The following ZFAT variants were observed in gnomAD, a reference collection of about 807,000 sequenced individuals.
The protein encoded by ZFAT is zinc finger protein ZFAT.
Under a neutral mutation model 117.7 loss-of-function variants are expected in ZFAT, and 64 were observed. The observed-to-expected ratio is 0.54, with a 90% confidence interval of 0.44 to 0.67. The LOEUF is 0.67. ZFAT is among the 30% of genes least tolerant of loss of function. The probability of loss-of-function intolerance (pLI) is 0.00; values close to 1 mark genes in which losing one functional copy is unlikely to be tolerated. For missense variants in ZFAT, 1,433 were observed against 1,584.5 expected, an observed-to-expected ratio of 0.90 and a Z score of 1.62; for synonymous variants, 679 against 615.0, an observed-to-expected ratio of 1.10 and a Z score of -1.54.
intron 1 of ZFAT, among the ~76,000 whole-genome samples, chr8:134,688,123 T>C (rs1156844178): frequency 6.6e-6 from 1 of 152,054 alleles, no homozygotes; most frequent in Non-Finnish European, 1.5e-5. Flanking sequence ...GGGGGTGTTA[T>C]GTAGGGGAAT....
the ZFAT span, among the ~76,000 whole-genome samples, chr8:134,737,078 C>T: frequency 0.54 from 82,618 of 151,886 alleles, 22,644 homozygotes; most frequent in African/African-American, 0.6. Context: ...GTCAGGTGTT[C>T]GAGACCAGTC....
At chr8:134,697,654 A>C (rs1286678699) in intron 1 of ZFAT, among the ~76,000 whole-genome samples, 2 of 150,804 alleles carry the variant, frequency 1.3e-5, no homozygotes, top group Non-Finnish European at 3.0e-5. Context: ...GTGAACCCGG[A>C]AGGCGGAGCT....
At chr8:134,720,933 G>A in the ZFAT span, among the ~76,000 whole-genome samples, 2 of 152,278 alleles carry the variant, frequency 1.3e-5, no homozygotes, top group Admixed American at 6.5e-5. Context: ...CTGTAGGGTC[G>A]GGAGGGCATG....
At chr8:134,805,057 T>C in the ZFAT span, 1 of 310,832 alleles carries the variant, frequency 3.2e-6, no homozygotes, top group African/African-American at 2.3e-5. Context: ...CTGTGACATC[T>C]TGAAACAAAA....
the ZFAT span, chr8:134,784,309 T>C: frequency 1.3e-5 from 2 of 152,350 alleles, no homozygotes; most frequent in African/African-American, 4.8e-5. Flanking sequence ...TTTCAATAAC[T>C]GCTGTAAGAA....
chr8:134,713,784 G>T (rs544373222), upstream of ZFAT, among the ~76,000 whole-genome samples: 1 of 151,974 alleles, frequency 6.6e-6, no homozygotes, highest in Non-Finnish European at 1.5e-5. Context: ...ATATCTTCCA[G>T]CCCCTAACCC....
At chr8:134,632,944 G>T (rs913681645) in intron 3 of ZFAT, among the ~76,000 whole-genome samples, 5 of 152,174 alleles carry the variant, frequency 3.3e-5, no homozygotes, top group African/African-American at 4.8e-5. Context: ...TCACAAAAGA[G>T]ACTGGCAAGG....
chr8:134,787,011 G>A, the ZFAT span, among the ~76,000 whole-genome samples: 4 of 151,870 alleles, frequency 2.6e-5, no homozygotes, highest in Admixed American at 6.6e-5. Context: ...ACTGCACCCA[G>A]TTAATTTTTA....
intron 1 of ZFAT, among the ~76,000 whole-genome samples, chr8:134,672,312 A>T (rs1308527296): frequency 6.6e-6 from 1 of 152,230 alleles, no homozygotes; most frequent in Non-Finnish European, 1.5e-5. Context: ...TCCTAAGCCA[A>T]AAGAACAAAG....
intron 2 of ZFAT, among the ~76,000 whole-genome samples, chr8:134,648,541 TCAA>T (rs1053340477): frequency 8.6e-5 from 13 of 151,992 alleles, no homozygotes; most frequent in African/African-American, 2.9e-4. Flanking sequence ...CAATTATATG[TCAA>T]CAAATTAGAC....
intron 15 of ZFAT, among the ~76,000 whole-genome samples, chr8:134,481,152 T>C (rs189200953): frequency 1.4e-4 from 21 of 152,180 alleles, no homozygotes; most frequent in African/African-American, 4.6e-4. Context: ...AAATGTACCA[T>C]GAACCAGGAT....
chr8:134,643,172 G>A (rs910878215), intron 2 of ZFAT, among the ~76,000 whole-genome samples: 1 of 152,212 alleles, frequency 6.6e-6, no homozygotes, highest in African/African-American at 2.4e-5. Context: ...ATATAGTAGA[G>A]GTCACTGAGG....
At chr8:134,693,976 A>G (rs10100533) in intron 1 of ZFAT, among the ~76,000 whole-genome samples, 60,907 of 152,130 alleles carry the variant, frequency 0.4, 12,523 homozygotes, top group African/African-American at 0.46. Flanking sequence ...ATTCCTGCCC[A>G]GAAATGCAGA....
chr8:134,796,911 C>T, the ZFAT span: 6 of 152,142 alleles, frequency 3.9e-5, no homozygotes, highest in Non-Finnish European at 8.8e-5. Context: ...TAGTCTTCTG[C>T]ACATCTAATC....
chr8:134,725,491 G>A, the ZFAT span, among the ~76,000 whole-genome samples: 1 of 152,046 alleles, frequency 6.6e-6, no homozygotes, highest in African/African-American at 2.4e-5. Context: ...GACGGGGAGA[G>A]GTGCTACACG....
chr8:134,559,317 C>T (rs1163584843), intron 11 of ZFAT, among the ~76,000 whole-genome samples: 4 of 152,124 alleles, frequency 2.6e-5, no homozygotes, highest in Non-Finnish European at 4.4e-5. Context: ...TATGGTTTTG[C>T]CCTTTTTTAA....
chr8:134,570,597 T>C (rs1405826030), intron 10 of ZFAT, among the ~76,000 whole-genome samples: 3 of 152,170 alleles, frequency 2.0e-5, no homozygotes, highest in Non-Finnish European at 4.4e-5. Context: ...TTTCATGCCA[T>C]GTCCTCAGTG....
At chr8:134,533,946 G>T (rs948858089) in intron 11 of ZFAT, among the ~76,000 whole-genome samples, 1 of 152,188 alleles carries the variant, frequency 6.6e-6, no homozygotes, top group African/African-American at 2.4e-5. Context: ...GTATGATTCC[G>T]ACAGTGCTCC....
chr8:134,674,070 A>C (rs894956370), intron 1 of ZFAT, among the ~76,000 whole-genome samples: 1 of 152,232 alleles, frequency 6.6e-6, no homozygotes, highest in Admixed American at 6.5e-5. Flanking sequence ...TGAGGTAGCC[A>C]GTTCATCATA....
Sources: gnomAD v4.1 joint callset for allele counts (sites outside exome capture counted in the v4.1 genomes callset) on GRCh38, gnomAD v4.1.1 for gene constraint, MANE v1.5 for transcripts, NCBI Gene and HGNC (gene_info 2026-07-23, HGNC 2026-07-21) for gene names.